The following FNIP2 variants were observed in gnomAD, a reference collection of about 807,000 sequenced individuals.
FNIP2 encodes folliculin interacting protein 2.
FNIP2 carries 32 observed loss-of-function variants against 108.7 expected under a neutral mutation model. The ratio of observed to expected loss-of-function variants is 0.29; its 90% confidence interval spans 0.22 to 0.40. FNIP2 has a LOEUF of 0.40. Among genes scored for constraint, FNIP2 ranks in the 10% least tolerant of loss-of-function variants. FNIP2 has a pLI of 1.00. For missense variants in FNIP2, 1,202 were observed against 1,381.6 expected, an observed-to-expected ratio of 0.87 and a Z score of 2.06; for synonymous variants, 480 against 496.7, an observed-to-expected ratio of 0.97 and a Z score of 0.45.
At chr4:158,833,506 T>C (rs745644192) in intron 5 of FNIP2, 22 bp from the exon 6 acceptor site, 51 of 1,493,474 alleles carry the variant, frequency 3.4e-5, no homozygotes, top group South Asian at 5.0e-5. Flanking sequence ...TTTCTCCTTT[T>C]CCCCCCCATC....
At chr4:158,805,192 T>C (rs909918285) in intron 1 of FNIP2, among the ~76,000 whole-genome samples, 2 of 152,192 alleles carry the variant, frequency 1.3e-5, no homozygotes, top group East Asian at 1.9e-4. Flanking sequence ...CAGACAAGAG[T>C]TCATCAGGTT....
chr4:158,782,483 A>G (rs922790635), intron 1 of FNIP2, among the ~76,000 whole-genome samples: 4 of 149,066 alleles, frequency 2.7e-5, no homozygotes, highest in Non-Finnish European at 5.9e-5. Flanking sequence ...ATACATAACT[A>G]TCTCTTTTTG....
chr4:158,843,809 G>C (rs1779253935), intron 7 of FNIP2, among the ~76,000 whole-genome samples: 1 of 152,218 alleles, frequency 6.6e-6, no homozygotes, highest in Non-Finnish European at 1.5e-5. Context: ...GTTTCCACAT[G>C]TATTTGAATG....
intron 6 of FNIP2, 96 bp downstream of exon 6, chr4:158,833,724 T>G (rs1778611056): frequency 6.9e-7 from 1 of 1,441,854 alleles, no homozygotes; most frequent in Non-Finnish European, 9.6e-7. Flanking sequence ...TTTTTTTTTT[T>G]GCGTTATCTT....
At chr4:158,837,031 A>G (rs1450661947) in intron 7 of FNIP2, among the ~76,000 whole-genome samples, 1 of 152,198 alleles carries the variant, frequency 6.6e-6, no homozygotes, top group Non-Finnish European at 1.5e-5. Context: ...CTCAAGGACA[A>G]TAAGCATGTG....
chr4:158,769,341 A>G lies in FNIP2; in HGVS notation c.107+22A>G, dbSNP rs1023941524. On this transcript the variant is annotated intron_variant, in intron 1 of 16. Coordinates refer to ENST00000264433, the MANE Select transcript of FNIP2 (RefSeq NM_020840.3). ...TTAGGTGAGGGGGCGCCGGGGGGCAATTCTGGCGCGGGACCCGAGTTGGCT... is the reference window on the plus strand; with the variant it reads ...TTAGGTGAGGGGGCGCCGGGGGGCAGTTCTGGCGCGGGACCCGAGTTGGCT... The G allele has an allele frequency of 2.5e-5, 37 of 1,452,682 alleles. No individual in the cohort carries two copies. The East Asian group carries it at 2.6e-4, about 10-fold the overall frequency. 90.0% of individuals were successfully genotyped at this position (1,452,682 alleles called of 1,614,324 possible).
intron 14 of FNIP2, chr4:158,871,851 T>G: frequency 5.1e-6 from 5 of 985,444 alleles, no homozygotes; most frequent in Non-Finnish European, 6.0e-6. Context: ...AAAAATGCCC[T>G]CATTGTATAA....
At chr4:158,881,955 T>C (rs1370255735) in intron 14 of FNIP2, among the ~76,000 whole-genome samples, 2 of 148,576 alleles carry the variant, frequency 1.3e-5, no homozygotes, top group East Asian at 4.1e-4. Flanking sequence ...CTGCCCAGTC[T>C]GGGAAGTGAG....
chr4:158,872,212 G>A, intron 14 of FNIP2: 1 of 985,356 alleles, frequency 1.0e-6, no homozygotes, highest in African/African-American at 1.7e-5. Context: ...GACCACTCTG[G>A]AAATGCAATC....
intron 12 of FNIP2, among the ~76,000 whole-genome samples, chr4:158,867,767 A>G (rs182903594): frequency 2.6e-4 from 40 of 152,354 alleles, no homozygotes; most frequent in Admixed American, 2.4e-3. Flanking sequence ...ATCTGGTCAC[A>G]TATTCAGAGC....
intron 1 of FNIP2, among the ~76,000 whole-genome samples, chr4:158,780,800 A>C (rs1490709820): frequency 6.6e-6 from 1 of 152,222 alleles, no homozygotes; most frequent in East Asian, 1.9e-4. Context: ...TGGGAGGCTG[A>C]GGCAGGCAGA....
At chr4:158,900,371 G>A (rs1450049232) in intron 16 of FNIP2, among the ~76,000 whole-genome samples, 2 of 152,202 alleles carry the variant, frequency 1.3e-5, no homozygotes, top group Non-Finnish European at 2.9e-5. Context: ...TTGGTCCAGA[G>A]CTGAGTTCAA....
intron 1 of FNIP2, among the ~76,000 whole-genome samples, chr4:158,786,054 C>T (rs187604464): frequency 6.6e-6 from 1 of 152,334 alleles, no homozygotes; most frequent in Non-Finnish European, 1.5e-5. Context: ...TGCCATCTGT[C>T]TCTTCCTAGA....
chr4:158,851,555 A>C (rs1779703652), intron 8 of FNIP2, 105 bp downstream of exon 8: 1 of 1,398,430 alleles, frequency 7.2e-7, no homozygotes, highest in Admixed American at 2.2e-5. Context: ...AAAAAACCAA[A>C]ACTTTTTTAT....
intron 12 of FNIP2, among the ~76,000 whole-genome samples, chr4:158,862,512 A>T (rs143574302): frequency 6.6e-6 from 1 of 152,360 alleles, no homozygotes; most frequent in Admixed American, 6.5e-5. Flanking sequence ...GGAAGGGGAG[A>T]TATGGAGAGA....
At chr4:158,798,458 T>C (rs1421192837) in intron 1 of FNIP2, among the ~76,000 whole-genome samples, 2 of 152,228 alleles carry the variant, frequency 1.3e-5, no homozygotes, top group East Asian at 3.8e-4. Context: ...TCCCTATTGC[T>C]TACCCTTCCC....
At chr4:158,777,132 A>G (rs565213391) in intron 1 of FNIP2, among the ~76,000 whole-genome samples, 2 of 152,350 alleles carry the variant, frequency 1.3e-5, no homozygotes, top group South Asian at 4.1e-4. Context: ...TGACCTACTG[A>G]AAAATGATTT....
intron 16 of FNIP2, among the ~76,000 whole-genome samples, chr4:158,903,224 G>A (rs1227707098): frequency 1.3e-5 from 2 of 152,140 alleles, no homozygotes; most frequent in Non-Finnish European, 2.9e-5. Context: ...CCCTTGGGTA[G>A]GGGAAACAAT....
intron 14 of FNIP2, among the ~76,000 whole-genome samples, chr4:158,887,035 G>A (rs1283352138): frequency 6.6e-6 from 1 of 152,082 alleles, no homozygotes; most frequent in South Asian, 2.1e-4. Context: ...TGTATGGGAG[G>A]CCAAAGTGAG....
Sources: gnomAD v4.1 joint callset for allele counts (sites outside exome capture counted in the v4.1 genomes callset) on GRCh38, gnomAD v4.1.1 for gene constraint, MANE v1.5 for transcripts, NCBI Gene and HGNC (gene_info 2026-07-23, HGNC 2026-07-21) for gene names.